SAP18: variants seen among roughly 807,000 people sequenced by gnomAD.
SAP18 encodes Sin3A associated protein 18.
A neutral mutation model predicts 18.6 loss-of-function variants in SAP18; 4 were observed. That is an observed-to-expected ratio of 0.21 (90% CI 0.11 to 0.49). The LOEUF (loss-of-function observed/expected upper bound fraction) is 0.49, where lower values mean the gene tolerates loss of function less well. Among genes scored for constraint, SAP18 ranks in the 20% least tolerant of loss-of-function variants. The pLI, the probability that SAP18 is intolerant of heterozygous loss-of-function variation, is 0.98. For synonymous variants in SAP18, 112 were observed against 82.8 expected (o/e 1.35, Z -1.92); for missense variants, 170 against 226.4 (o/e 0.75, Z 1.60).
At chr13:21,146,626 G>T in intron 2 of SAP18, 179 bp from the exon 3 acceptor site, 2 of 455,480 alleles carry the variant, frequency 4.4e-6, no homozygotes, top group South Asian at 7.3e-5. Context: ...GGTACATGGA[G>T]TTTTTGGAGG....
chr13:21,147,704 G>T, exon 4 of SAP18: 1 of 173,474 alleles, frequency 5.8e-6, no homozygotes, highest in Non-Finnish European at 1.2e-5. Context: ...AAAGCCACGG[G>T]ATTGTATGAA....
upstream of SAP18, chr13:21,140,447 G>A (rs2137333411): frequency 6.8e-6 from 9 of 1,326,134 alleles, no homozygotes; most frequent in Non-Finnish European, 9.1e-6. Flanking sequence ...GGCGCGCTCC[G>A]GCTCGCTCAC....
intron 2 of SAP18, among the ~76,000 whole-genome samples, chr13:21,145,348 G>A (rs1161225503): frequency 1.3e-5 from 2 of 151,924 alleles, no homozygotes; most frequent in Non-Finnish European, 2.9e-5. Context: ...GATATCTTAC[G>A]TATATGCAAA....
chr13:21,145,609 G>A (rs1413361510), intron 2 of SAP18, among the ~76,000 whole-genome samples: 4 of 152,118 alleles, frequency 2.6e-5, no homozygotes, highest in East Asian at 1.9e-4. Context: ...CAGGTCAAGC[G>A]ATTCTCTTGT....
At chr13:21,140,751 G>A in intron 1 of SAP18, 70 bp downstream of exon 1, 2 of 1,594,702 alleles carry the variant, frequency 1.3e-6, no homozygotes, top group Non-Finnish European at 1.7e-6. Context: ...CAGAGGCGCG[G>A]CCTGTGTGCT....
At chr13:21,142,995 A>G (rs1364681721) in intron 2 of SAP18, among the ~76,000 whole-genome samples, 1 of 152,180 alleles carries the variant, frequency 6.6e-6, no homozygotes, top group East Asian at 1.9e-4. Context: ...TGAACTCATT[A>G]CAGTATTCGT....
At chr13:21,141,269 A>G (rs1457427239) in intron 2 of SAP18, 3 of 498,472 alleles carry the variant, frequency 6.0e-6, no homozygotes, top group Non-Finnish European at 1.1e-5. Context: ...GCTAGGTACA[A>G]AAGTGATAGG....
intron 2 of SAP18, among the ~76,000 whole-genome samples, chr13:21,144,050 G>A (rs1869556553): frequency 6.6e-6 from 1 of 152,198 alleles, no homozygotes; most frequent in Admixed American, 6.5e-5. Flanking sequence ...GTAGAGGCAG[G>A]CTGTGTTCAC....
chr13:21,145,700 A>G (rs1410167927), intron 2 of SAP18, among the ~76,000 whole-genome samples: 1 of 152,124 alleles, frequency 6.6e-6, no homozygotes, highest in Non-Finnish European at 1.5e-5. Flanking sequence ...TTTAGTAGAA[A>G]CGGGGTTTCA....
intron 2 of SAP18, among the ~76,000 whole-genome samples, chr13:21,145,613 C>G (rs953163422): frequency 2.6e-5 from 4 of 152,182 alleles, no homozygotes; most frequent in East Asian, 1.9e-4. Context: ...TCAAGCGATT[C>G]TCTTGTCTCA....
chr13:21,140,697 G>A lies in SAP18; in HGVS notation c.129+16G>A, dbSNP rs1292396819. 3.7e-6 allele frequency: 6 copies of A among 1,607,770 alleles called. No individual in the cohort carries two copies. Among genetic ancestry groups the A allele is most frequent in the Non-Finnish European group, 5.1e-6 (6 of 1,176,692 alleles). ...CCGCGAGAAGGTGAAGGCCCCCTCC[G>A]CTTTGGGGTCCGGGAAGAGGTTGGG... On this transcript the variant is annotated intron_variant, in intron 1 of 3. Coordinates refer to ENST00000621421, the Ensembl canonical transcript of SAP18.
chr13:21,147,391 TAA>T, exon 4 of SAP18: 5 of 1,499,326 alleles, frequency 3.3e-6, no homozygotes, highest in Non-Finnish European at 4.6e-6. Flanking sequence ...TTATGTAAAA[TAA>T]ACATACTCTT....
intron 2 of SAP18, chr13:21,141,555 C>G (rs1869463597): frequency 6.2e-6 from 1 of 160,228 alleles, no homozygotes; most frequent in Admixed American, 5.9e-5. Context: ...GTGTACCTCC[C>G]TACAAACTAC....
At chr13:21,144,238 C>T (rs549672277) in intron 2 of SAP18, among the ~76,000 whole-genome samples, 21 of 151,976 alleles carry the variant, frequency 1.4e-4, no homozygotes, top group Admixed American at 2.0e-4. Flanking sequence ...AACCCCGTCT[C>T]TGCTAAAAAT....
chr13:21,147,588 AT>A, exon 4 of SAP18: 1 of 420,570 alleles, frequency 2.4e-6, no homozygotes, highest in Non-Finnish European at 4.3e-6. Context: ...ACTGTTAAAT[AT>A]ATGTGTGTAA....
Position 21,140,566 on chromosome 13 carries a change from G to A in SAP18, c.14G>A (p.Gly5Glu). 3.1e-6 allele frequency: 5 copies of A among 1,599,538 alleles called. No individual in the cohort carries two copies. Among genetic ancestry groups the A allele is most frequent in the African/African-American group, 1.3e-5 (1 of 74,566 alleles). ...GACTTAGTGCTCATGCTCGCTGCAGGGGTCGGAGGTCAGGGCGAGCGTCTC... is the reference window on the plus strand; with the variant it reads ...GACTTAGTGCTCATGCTCGCTGCAGAGGTCGGAGGTCAGGGCGAGCGTCTC... Residue 5 changes from glycine (G) to glutamate (E), a missense_variant, in exon 1 of 4, where the codon GGG (glycine) becomes GAG (glutamate). Physicochemically the swap from Gly to Glu is moderately conservative, Grantham distance 98. Around this residue, in one of 2 missense-constraint regions of SAP18, gnomAD observed 60 missense variants for 26.2 expected, o/e 2.29. Transcript: ENST00000621421.
rs374531431 is a variant in SAP18 at position 21,141,104 on chromosome 13, A to G, written c.239+109A>G. On this transcript the variant is annotated intron_variant, in intron 2 of 3. Transcript: ENST00000621421. The stretch of plus-strand genomic sequence containing the variant: ...TCCCTGATTTCAATTTCATTTCTCC[A>G]CTTGGGGCCTTCGGACTCAGCTTTC... 2.0e-3 allele frequency: 1,513 copies of G among 742,568 alleles called. 29 individuals carry two copies. The South Asian group carries it at 0.023, about 11-fold the overall frequency. The allele number at this position is 742,568 out of a possible 1,614,324, so 46.0% of individuals were successfully genotyped here.
intron 2 of SAP18, among the ~76,000 whole-genome samples, chr13:21,142,856 C>T (rs749793435): frequency 1.3e-5 from 2 of 152,102 alleles, no homozygotes; most frequent in Non-Finnish European, 2.9e-5. Flanking sequence ...CCCAGTGTGC[C>T]GGTACCCTGT....
exon 2 of SAP18, chr13:21,140,890 G>A: frequency 6.2e-7 from 1 of 1,613,108 alleles, no homozygotes; most frequent in Non-Finnish European, 8.5e-7. Flanking sequence ...CCTCAGACAT[G>A]CCCACTGTTG....
Sources: allele counts gnomAD v4.1 joint callset (sites outside exome capture counted in the v4.1 genomes callset), GRCh38; gene constraint gnomAD v4.1.1; regional missense constraint gnomAD v4.1.1; transcripts MANE v1.5; gene names NCBI Gene and HGNC (gene_info 2026-07-23, HGNC 2026-07-21).